The following SPOCK1 variants were observed in gnomAD, a reference collection of about 807,000 sequenced individuals.
The protein encoded by SPOCK1 is testican-1.
In SPOCK1, 23 loss-of-function variants were observed where a neutral mutation model predicts 55.3. That is an observed-to-expected ratio of 0.42 (90% confidence interval 0.30 to 0.59). The LOEUF (loss-of-function observed/expected upper bound fraction) is 0.59. Among genes scored for constraint, SPOCK1 ranks in the 20% least tolerant of loss-of-function variants. The pLI, the probability that SPOCK1 is intolerant of heterozygous loss-of-function variation, is 0.22. For missense variants in SPOCK1, 499 were observed against 552.5 expected (o/e 0.90, Z 0.97); for synonymous variants, 226 against 221.0 (o/e 1.02, Z -0.20).
chr5:136,988,362 C>G, intron 8 of SPOCK1, 60 bp downstream of exon 8: 1 of 1,400,820 alleles, frequency 7.1e-7, no homozygotes, highest in South Asian at 1.2e-5. Context: ...ATACGCAGTC[C>G]TCCTCTGCTC....
chr5:137,363,333 C>A (rs1317811970), intron 2 of SPOCK1, among the ~76,000 whole-genome samples: 1 of 152,222 alleles, frequency 6.6e-6, no homozygotes, highest in African/African-American at 2.4e-5. Flanking sequence ...CTACACAAGA[C>A]ACTGCTAAGA....
At chr5:137,253,246 A>G (rs1756570922) in intron 3 of SPOCK1, among the ~76,000 whole-genome samples, 1 of 152,224 alleles carries the variant, frequency 6.6e-6, no homozygotes, top group Admixed American at 6.5e-5. Flanking sequence ...ATGAAACTGA[A>G]GCTCTACAAT....
intron 3 of SPOCK1, among the ~76,000 whole-genome samples, chr5:137,211,098 G>C (rs941199679): frequency 1.3e-5 from 2 of 152,210 alleles, no homozygotes; most frequent in African/African-American, 4.8e-5. Flanking sequence ...ATAGTTCTAA[G>C]AGAAACCTCC....
At chr5:137,064,551 G>C (rs748515509) in intron 6 of SPOCK1, among the ~76,000 whole-genome samples, 2 of 152,172 alleles carry the variant, frequency 1.3e-5, no homozygotes, top group Non-Finnish European at 2.9e-5. Context: ...ACTGCCTGCA[G>C]CTTCTGGAAG....
chr5:136,980,150 G>C (rs954029378), intron 9 of SPOCK1, among the ~76,000 whole-genome samples: 1 of 149,054 alleles, frequency 6.7e-6, no homozygotes, highest in East Asian at 2.0e-4. Context: ...TCACCATAAG[G>C]TGTTGCTATT....
At chr5:137,031,171 CCCA>C (rs1324691276) in intron 6 of SPOCK1, among the ~76,000 whole-genome samples, 1 of 152,102 alleles carries the variant, frequency 6.6e-6, no homozygotes, top group Non-Finnish European at 1.5e-5. Flanking sequence ...CTTTTTATTC[CCCA>C]CATTATCCCT....
intron 5 of SPOCK1, among the ~76,000 whole-genome samples, chr5:137,086,350 T>C (rs560317247): frequency 2.1e-3 from 319 of 152,256 alleles, no homozygotes; most frequent in African/African-American, 7.5e-3. Context: ...ACAAGGACAG[T>C]AGCAGCATCT....
At chr5:137,031,724 G>A (rs1031966070) in intron 6 of SPOCK1, among the ~76,000 whole-genome samples, 1 of 151,948 alleles carries the variant, frequency 6.6e-6, no homozygotes, top group Non-Finnish European at 1.5e-5. Context: ...GTTTTTTAAC[G>A]GTAGACACCA....
At chr5:137,245,743 C>T (rs1052086295) in intron 3 of SPOCK1, among the ~76,000 whole-genome samples, 6 of 146,274 alleles carry the variant, frequency 4.1e-5, no homozygotes, top group African/African-American at 1.5e-4. Context: ...TTTCTCACAG[C>T]TGCATTTGTT....
intron 3 of SPOCK1, among the ~76,000 whole-genome samples, chr5:137,175,096 G>A (rs2127060749): frequency 6.6e-6 from 1 of 152,294 alleles, no homozygotes; most frequent in East Asian, 1.9e-4. Context: ...AAAGAAAGGT[G>A]CCAAATGTCA....
intron 2 of SPOCK1, among the ~76,000 whole-genome samples, chr5:137,347,067 C>T (rs540734815): frequency 6.6e-6 from 1 of 152,150 alleles, no homozygotes; most frequent in Non-Finnish European, 1.5e-5. Context: ...GCGTCATTAC[C>T]TTGGTCCAGG....
intron 2 of SPOCK1, among the ~76,000 whole-genome samples, chr5:137,302,403 A>G (rs1260557191): frequency 1.5e-4 from 11 of 71,318 alleles, no homozygotes; most frequent in African/African-American, 6.3e-4. Flanking sequence ...CCCCGTCTCT[A>G]CTAAAAATAC....
chr5:137,373,956 G>T (rs1293907867), intron 2 of SPOCK1, among the ~76,000 whole-genome samples: 1 of 151,604 alleles, frequency 6.6e-6, no homozygotes, highest in Non-Finnish European at 1.5e-5. Flanking sequence ...GGATACAACA[G>T]TTAAGAAAAG....
intron 3 of SPOCK1, among the ~76,000 whole-genome samples, chr5:137,239,331 C>G (rs1023421547): frequency 6.6e-6 from 1 of 152,208 alleles, no homozygotes; most frequent in Admixed American, 6.5e-5. Context: ...GACCCTTGCC[C>G]TATGTATCTC....
chr5:137,275,834 T>C (rs1322229994), intron 2 of SPOCK1, among the ~76,000 whole-genome samples: 2 of 152,190 alleles, frequency 1.3e-5, no homozygotes, highest in Non-Finnish European at 2.9e-5. Context: ...CTTCCTTCCC[T>C]CTGCCGTTCA....
At chr5:136,980,150 G>A (rs954029378) in intron 9 of SPOCK1, among the ~76,000 whole-genome samples, 1 of 149,054 alleles carries the variant, frequency 6.7e-6, no homozygotes, top group Non-Finnish European at 1.5e-5. Context: ...TCACCATAAG[G>A]TGTTGCTATT....
At chr5:137,229,201 T>C (rs1464504683) in intron 3 of SPOCK1, among the ~76,000 whole-genome samples, 1 of 152,206 alleles carries the variant, frequency 6.6e-6, no homozygotes. Flanking sequence ...TTTCCATTTA[T>C]AGTTAAGAAC....
At chr5:137,125,166 C>T (rs10072929) in intron 4 of SPOCK1, among the ~76,000 whole-genome samples, 41,666 of 152,106 alleles carry the variant, frequency 0.27, 5,899 homozygotes, top group African/African-American at 0.3. Flanking sequence ...TGGCCCTGTA[C>T]CCCCAGCTCC....
chr5:137,217,862 A>G (rs949214722), intron 3 of SPOCK1, among the ~76,000 whole-genome samples: 2 of 152,282 alleles, frequency 1.3e-5, no homozygotes, highest in East Asian at 3.9e-4. Flanking sequence ...ATAAGTGACA[A>G]GCGGGAATAG....
Sources: gnomAD v4.1 joint callset for allele counts (sites outside exome capture counted in the v4.1 genomes callset) on GRCh38, gnomAD v4.1.1 for gene constraint, MANE v1.5 for transcripts, NCBI Gene and HGNC (gene_info 2026-07-23, HGNC 2026-07-21) for gene names.